Variants in NUP160 observed in about 807,000 individuals in gnomAD.
NUP160 encodes the protein nucleoporin 160.
NUP160 carries 94 observed loss-of-function variants against 196.9 expected under a neutral mutation model. The observed-to-expected ratio is 0.48, with a 90% CI of 0.40 to 0.57. The LOEUF (loss-of-function observed/expected upper bound fraction) is 0.57. Ranked by LOEUF, NUP160 falls within the 20% of genes least tolerant of loss-of-function variation. The pLI is 0.00. For synonymous variants in NUP160, 605 were observed against 619.7 expected, an observed-to-expected ratio of 0.98 and a Z score of 0.35; for missense variants, 1,638 against 1,748.3, an observed-to-expected ratio of 0.94 and a Z score of 1.13.
chr11:47,838,151 T>A (rs962404712), intron 4 of NUP160, among the ~76,000 whole-genome samples: 3 of 152,078 alleles, frequency 2.0e-5, no homozygotes, highest in Non-Finnish European at 4.4e-5. Flanking sequence ...AAAAGGATGG[T>A]CAGGGAAGGC....
chr11:47,794,174 T>G (rs959682868), intron 27 of NUP160, among the ~76,000 whole-genome samples: 1 of 152,196 alleles, frequency 6.6e-6, no homozygotes, highest in African/African-American at 2.4e-5. Flanking sequence ...GTGAATGCAC[T>G]TAACACTCCC....
In NUP160 at chr11:47,848,226, G is replaced by A. The variant is rs938281135; in HGVS notation, c.195C>T (p.Cys65=). The A allele has an allele frequency of 8.1e-6, 13 of 1,614,052 alleles. No homozygotes were observed. The Admixed American group carries it at 8.3e-5, about 10-fold the overall frequency. Residue 65 remains cysteine (C), a synonymous_variant, in exon 1 of 36, where the codon TGC becomes TGT. Coordinates refer to ENST00000378460, the Ensembl canonical transcript of NUP160. ...CCCTGGCCATTTCCGTACCAATGCT[G>A]CAGACTGTGAATTCCCGAAAGTGCC... is the stretch of plus-strand genomic sequence containing the variant.
At position 47,829,312 on chromosome 11, in the gene NUP160, G is replaced by A. The variant is rs1295423959; in HGVS notation, c.1101+6339C>T. 2.0e-5 allele frequency among the ~76,000 whole-genome samples: 3 copies of A among 152,102 alleles called. No individual in the cohort carries two copies. The East Asian group carries it at 5.8e-4, about 29-fold the overall frequency. On this transcript the variant is annotated intron_variant, in intron 7 of 35. Transcript: ENST00000378460. Reference sequence around the variant, plus strand: ...AAGATTAAGTTTATAATACCATTTTGTTTGTTTCTTTGTTTTTGAGACAGA... The same window carrying A: ...AAGATTAAGTTTATAATACCATTTTATTTGTTTCTTTGTTTTTGAGACAGA...
Position 47,814,887 on chromosome 11 carries a change from T to C in NUP160, c.1686+592A>G, listed in dbSNP as rs556481804. ...CCAGATGAAGGGTATACAGGAATTC[T>C]TTGTGCTATTCTTGTAACTCTTACC... On this transcript the variant is annotated intron_variant, in intron 13 of 35. Transcript: ENST00000378460. 2.6e-4 allele frequency among the ~76,000 whole-genome samples: 40 copies of C among 152,328 alleles called. 1 individual carries two copies. The South Asian group carries it at 8.3e-3, about 32-fold the overall frequency.
At chr11:47,805,254 T>C (rs770782964) in intron 20 of NUP160, among the ~76,000 whole-genome samples, 2 of 151,806 alleles carry the variant, frequency 1.3e-5, no homozygotes, top group Non-Finnish European at 2.9e-5. Context: ...CTCAGCCTCC[T>C]GAGTAGCTGG....
chr11:47,842,819 A>G lies in NUP160; in HGVS notation c.315-2231T>C, dbSNP rs547503295. Reference sequence around the variant, plus strand: ...AGCCTGGGCAACACAGCAAAACCCTATCTCTACAAAATAAAAAAATTAGCC... The same window carrying G: ...AGCCTGGGCAACACAGCAAAACCCTGTCTCTACAAAATAAAAAAATTAGCC... On this transcript the variant is annotated intron_variant, in intron 2 of 35. Transcript: ENST00000378460. Among the ~76,000 whole-genome samples, 9 of 152,190 alleles carry G rather than the reference A, an allele frequency of 5.9e-5. No individual in the cohort carries two copies. In the South Asian group the frequency reaches 1.2e-3, roughly 21 times the overall value.
At chr11:47,804,366 C>T (rs936297993) in intron 21 of NUP160, 183 bp downstream of exon 21, 2 of 524,914 alleles carry the variant, frequency 3.8e-6, no homozygotes, top group Non-Finnish European at 6.7e-6. Context: ...GTAGATCAGA[C>T]AAAATCAAGC....
chr11:47,798,058 G>A (rs761838530), exon 26 of NUP160: 23 of 1,578,518 alleles, frequency 1.5e-5, no homozygotes, highest in Admixed American at 9.0e-5. Flanking sequence ...ACCAACTGCC[G>A]TAAACAATCT....
At chr11:47,840,100 C>A (rs1171686068) in intron 3 of NUP160, 35 bp from the exon 4 acceptor site, 1 of 1,519,838 alleles carries the variant, frequency 6.6e-7, no homozygotes, top group South Asian at 1.1e-5. Flanking sequence ...TCTATTAAAT[C>A]AAAATAACCA....
At position 47,819,540 on chromosome 11, in the gene NUP160, G is replaced by A. The variant is rs558917960; in HGVS notation, c.1278-82C>T. 64 of 878,824 alleles carry A rather than the reference G, an allele frequency of 7.3e-5. No individual in the cohort carries two copies. In the South Asian group the frequency reaches 9.3e-4, roughly 13 times the overall value. 54.4% of individuals were successfully genotyped at this position (878,824 alleles called of 1,614,324 possible). The stretch of plus-strand genomic sequence containing the variant: ...ATGCTGTTGGCAGTATCTGGGCAGG[G>A]AGGACCCCATCACGGAACCCGGCAA... On this transcript the variant is annotated intron_variant, in intron 9 of 35. Transcript: ENST00000378460.
exon 18 of NUP160, chr11:47,808,459 A>G: frequency 6.2e-7 from 1 of 1,613,912 alleles, no homozygotes; most frequent in Non-Finnish European, 8.5e-7. Flanking sequence ...GTAATAAGAT[A>G]AGAGTAGGGG....
At chr11:47,843,449 ACTTCAGTTACT>A (rs1852344121) in intron 2 of NUP160, among the ~76,000 whole-genome samples, 1 of 151,886 alleles carries the variant, frequency 6.6e-6, no homozygotes, top group African/African-American at 2.4e-5. Flanking sequence ...TTCAACTCTC[ACTTCAGTTACT>A]CCTTCTTGGG....
chr11:47,786,562 G>A lies in NUP160; in HGVS notation c.3747-8C>T, dbSNP rs756236407. 6.3e-7 allele frequency: 1 copy of A among 1,583,658 alleles called. No homozygotes were observed. Among genetic ancestry groups the A allele is most frequent in the Admixed American group, 1.7e-5 (1 of 59,950 alleles). On this transcript the variant is annotated splice_polypyrimidine_tract_variant and splice_region_variant and intron_variant, in intron 31 of 35. Coordinates refer to ENST00000378460, the Ensembl canonical transcript of NUP160. ...AATTGCAATTTGATGCATCTGGAAT[G>A]AAAATGGTTCCACACTTGAAAACTG...
At chr11:47,819,523 G>T in intron 9 of NUP160, 65 bp from the exon 10 acceptor site, 1 of 1,135,272 alleles carries the variant, frequency 8.8e-7, no homozygotes, top group Non-Finnish European at 1.3e-6. Context: ...GTATGCTGTT[G>T]GCAGTATCTG....
exon 15 of NUP160, chr11:47,812,962 T>C: frequency 1.2e-6 from 2 of 1,613,394 alleles, no homozygotes; most frequent in Non-Finnish European, 1.7e-6. Context: ...TCATTTCCAT[T>C]ATAACTGACA....
intron 4 of NUP160, among the ~76,000 whole-genome samples, chr11:47,838,918 C>T (rs1307412385): frequency 2.0e-5 from 3 of 151,384 alleles, no homozygotes; most frequent in African/African-American, 7.3e-5. Flanking sequence ...GCAGGAGAAT[C>T]GCTTGAACCC....
At position 47,787,819 on chromosome 11, in the gene NUP160, G is replaced by A. The variant is rs201081559; in HGVS notation, c.3746+363C>T. Among the ~76,000 whole-genome samples, 67 of 152,194 alleles carry A rather than the reference G, an allele frequency of 4.4e-4. 1 individual carries two copies. In the East Asian group the frequency reaches 0.012, roughly 28 times the overall value. On this transcript the variant is annotated intron_variant, in intron 31 of 35. Transcript: ENST00000378460. ...TGCAAGCTCTGCCTCCCAGGTTCAC[G>A]CCATTCTCCTGCCTCAGCCTCCCGA...
intron 2 of NUP160, among the ~76,000 whole-genome samples, chr11:47,841,065 T>C (rs931901910): frequency 6.6e-6 from 1 of 152,186 alleles, no homozygotes; most frequent in African/African-American, 2.4e-5. Flanking sequence ...CTTACATGTA[T>C]GTGCAAAAAT....
In NUP160 at chr11:47,786,519, T is replaced by G. The variant is rs778911613; in HGVS notation, c.3782A>C (p.Gln1261Pro). 9 of 1,613,902 alleles carry G rather than the reference T, an allele frequency of 5.6e-6. No homozygotes were observed. Among genetic ancestry groups the G allele is most frequent in the Admixed American group, 5.0e-5 (3 of 59,992 alleles). ...TGCTAGCCAGGCCCAGGCTTCTGCT[T>G]GTGCTGCCTCTCCTCCAAATTGCAA... Residue 1261 changes from glutamine (Q) to proline (P), a missense_variant, in exon 32 of 36, where the codon CAA becomes CCA. Around this residue, in one of 3 missense-constraint regions of NUP160, gnomAD observed 1,345 missense variants for 1,470.2 expected, o/e 0.91. Coordinates refer to ENST00000378460, the Ensembl canonical transcript of NUP160.
Sources: gnomAD v4.1 joint callset for allele counts (sites outside exome capture counted in the v4.1 genomes callset) on GRCh38, gnomAD v4.1.1 for gene constraint, gnomAD v4.1.1 regional missense constraint, MANE v1.5 for transcripts, NCBI Gene and HGNC (gene_info 2026-07-23, HGNC 2026-07-21) for gene names.